Variants in THRB observed in about 807,000 individuals in gnomAD.
THRB encodes nuclear receptor subfamily 1 group A member 2.
Under a neutral mutation model 47.8 loss-of-function variants are expected in THRB, and 12 were observed. That is an observed-to-expected ratio of 0.25 (90% CI 0.16 to 0.41). THRB has a LOEUF of 0.41. THRB is among the 10% of genes least tolerant of loss of function. The pLI is 1.00. For missense variants in THRB, 348 were observed against 589.2 expected (o/e 0.59, Z 4.24); for synonymous variants, 218 against 212.2 (o/e 1.03, Z -0.24).
chr3:24,406,425 G>T (rs913325080), intron 1 of THRB, among the ~76,000 whole-genome samples: 1 of 151,660 alleles, frequency 6.6e-6, no homozygotes, highest in African/African-American at 2.4e-5. Context: ...AGCATCTATT[G>T]TAACAGCAGA....
intron 1 of THRB, among the ~76,000 whole-genome samples, chr3:24,389,685 C>T (rs900485773): frequency 6.6e-6 from 1 of 151,710 alleles, no homozygotes; most frequent in Non-Finnish European, 1.5e-5. Flanking sequence ...TATCTCAATT[C>T]CCCCCCTTTT....
intron 3 of THRB, among the ~76,000 whole-genome samples, chr3:24,256,420 G>C (rs2051287634): frequency 1.3e-5 from 2 of 152,160 alleles, no homozygotes; most frequent in African/African-American, 4.8e-5. Context: ...TGGCTGGAAA[G>C]AGGAGAATAA....
intron 3 of THRB, among the ~76,000 whole-genome samples, chr3:24,250,599 A>T (rs2050567565): frequency 6.6e-6 from 1 of 152,136 alleles, no homozygotes; most frequent in African/African-American, 2.4e-5. Context: ...TACAGGAGAG[A>T]CTAAGGTGAG....
intron 1 of THRB, among the ~76,000 whole-genome samples, chr3:24,374,040 C>G (rs1361302900): frequency 6.6e-6 from 1 of 152,022 alleles, no homozygotes; most frequent in Non-Finnish European, 1.5e-5. Context: ...CTGCCCAATT[C>G]ACGAATCGTC....
At chr3:24,452,950 G>T (rs942129799) in intron 1 of THRB, among the ~76,000 whole-genome samples, 12 of 83,420 alleles carry the variant, frequency 1.4e-4, no homozygotes, top group African/African-American at 5.1e-4. Flanking sequence ...GGCCCAGGAT[G>T]CTACTTGAAG....
intron 3 of THRB, among the ~76,000 whole-genome samples, chr3:24,281,002 G>A (rs906770620): frequency 6.6e-6 from 1 of 152,154 alleles, no homozygotes; most frequent in East Asian, 1.9e-4. Flanking sequence ...AACCAAGTTG[G>A]AAAACACTCT....
At chr3:24,420,021 CTGTT>C (rs1245331718) in intron 1 of THRB, among the ~76,000 whole-genome samples, 1 of 151,870 alleles carries the variant, frequency 6.6e-6, no homozygotes, top group Non-Finnish European at 1.5e-5. Context: ...CTCTGAGAAC[CTGTT>C]TATCTATAAA....
chr3:24,322,897 C>T (rs2058574141), intron 2 of THRB, among the ~76,000 whole-genome samples: 2 of 152,168 alleles, frequency 1.3e-5, no homozygotes, highest in African/African-American at 4.8e-5. Flanking sequence ...ATCCTGCCAC[C>T]TTTTGTAACA....
intron 1 of THRB, among the ~76,000 whole-genome samples, chr3:24,486,939 G>C (rs916825200): frequency 6.6e-6 from 1 of 152,060 alleles, no homozygotes; most frequent in Non-Finnish European, 1.5e-5. Context: ...TGAAGCCTAG[G>C]TAAAATTTTA....
chr3:24,122,807 A>C lies in THRB; in HGVS notation c.*77T>G. The stretch of plus-strand genomic sequence containing the variant: ...TAATCCCTCCCAACACAAAGAAACA[A>C]ACAAAAAAGAGCTAGGCAATGGAAT... On this transcript the variant is annotated 3_prime_UTR_variant, in exon 11 of 11. Transcript: ENST00000646209. 8 of 1,604,444 alleles carry C rather than the reference A, an allele frequency of 5.0e-6. No individual in the cohort carries two copies. The highest frequency in any genetic ancestry group is 1.7e-5 in the Admixed American group (1 of 60,004).
intron 4 of THRB, among the ~76,000 whole-genome samples, chr3:24,226,981 G>A (rs1004163753): frequency 1.3e-5 from 2 of 152,182 alleles, no homozygotes; most frequent in South Asian, 4.1e-4. Flanking sequence ...ATCCAGAGGA[G>A]CTGGAATGAA....
chr3:24,160,070 C>T (rs1185918707), intron 5 of THRB, among the ~76,000 whole-genome samples: 1 of 152,072 alleles, frequency 6.6e-6, no homozygotes, highest in Non-Finnish European at 1.5e-5. Context: ...GGGCTGTGAG[C>T]TGAGTTGGTG....
chr3:24,281,582 C>T (rs1223307025), intron 3 of THRB, among the ~76,000 whole-genome samples: 5 of 137,878 alleles, frequency 3.6e-5, no homozygotes, highest in Non-Finnish European at 7.9e-5. Context: ...TCACACATAA[C>T]AATATTAACT....
intron 4 of THRB, among the ~76,000 whole-genome samples, chr3:24,212,422 C>T (rs191235111): frequency 4.2e-5 from 6 of 143,018 alleles, no homozygotes; most frequent in East Asian, 4.2e-4. Flanking sequence ...AAACAAAAAA[C>T]GAAACGAAAA....
At chr3:24,227,577 C>T (rs1414915385) in intron 4 of THRB, among the ~76,000 whole-genome samples, 1 of 152,122 alleles carries the variant, frequency 6.6e-6, no homozygotes, top group Non-Finnish European at 1.5e-5. Context: ...ATATCAGGAG[C>T]TCCAGTACGG....
intron 5 of THRB, among the ~76,000 whole-genome samples, chr3:24,187,401 C>A (rs984812218): frequency 6.6e-6 from 1 of 152,206 alleles, no homozygotes; most frequent in Non-Finnish European, 1.5e-5. Flanking sequence ...CAGATGGGCT[C>A]ACTGCACAGC....
At chr3:24,207,531 G>A (rs953566472) in intron 4 of THRB, among the ~76,000 whole-genome samples, 20 of 152,204 alleles carry the variant, frequency 1.3e-4, no homozygotes, top group East Asian at 7.7e-4. Flanking sequence ...AGGTGGGGGC[G>A]AGAGACATCA....
At chr3:24,253,871 T>C (rs2050921995) in intron 3 of THRB, among the ~76,000 whole-genome samples, 1 of 151,998 alleles carries the variant, frequency 6.6e-6, no homozygotes, top group Non-Finnish European at 1.5e-5. Flanking sequence ...CCTGTCATCT[T>C]ATGAAGCTAT....
At chr3:24,303,915 C>A (rs879519235) in intron 2 of THRB, among the ~76,000 whole-genome samples, 1 of 152,034 alleles carries the variant, frequency 6.6e-6, no homozygotes, top group African/African-American at 2.4e-5. Context: ...TAATTTTTAA[C>A]GATGTTTAAT....
Sources: allele counts gnomAD v4.1 joint callset (sites outside exome capture counted in the v4.1 genomes callset), GRCh38; gene constraint gnomAD v4.1.1; transcripts MANE v1.5; gene names NCBI Gene and HGNC (gene_info 2026-07-23, HGNC 2026-07-21).